RAD51B: variants seen among roughly 807,000 people sequenced by gnomAD.
The protein encoded by RAD51B is DNA repair protein RAD51 homolog 2.
In RAD51B, 38 loss-of-function variants were observed where a neutral mutation model predicts 42.2. The ratio of observed to expected loss-of-function variants is 0.90; its 90% CI spans 0.70 to 1.18. The LOEUF (loss-of-function observed/expected upper bound fraction) is 1.18. Ranked by LOEUF, RAD51B falls within the 50% of genes most tolerant of loss-of-function variation. The pLI, the probability that RAD51B is intolerant of heterozygous loss-of-function variation, is 0.00. For synonymous variants in RAD51B, 154 were observed against 145.2 expected (o/e 1.06, Z -0.43); for missense variants, 373 against 400.7 (o/e 0.93, Z 0.59).
intron 8 of RAD51B, among the ~76,000 whole-genome samples, chr14:68,350,984 C>T (rs2082774276): frequency 6.6e-6 from 1 of 152,192 alleles, no homozygotes; most frequent in East Asian, 1.9e-4. Flanking sequence ...ATCCTTTCTT[C>T]ATGGCTCTGG....
chr14:68,571,613 A>G (rs1047340920), intron 10 of RAD51B, among the ~76,000 whole-genome samples: 3 of 152,142 alleles, frequency 2.0e-5, no homozygotes, highest in African/African-American at 7.2e-5. Context: ...GGCCAGGACA[A>G]TGTGCCTGTT....
At chr14:67,820,867 C>T (rs991385508) in intron 1 of RAD51B, among the ~76,000 whole-genome samples, 1 of 152,036 alleles carries the variant, frequency 6.6e-6, no homozygotes, top group African/African-American at 2.4e-5. Context: ...GACTGTAAAA[C>T]AAGGGTTTTA....
intron 7 of RAD51B, among the ~76,000 whole-genome samples, chr14:68,022,159 C>A (rs1278726797): frequency 1.3e-5 from 2 of 152,146 alleles, no homozygotes; most frequent in African/African-American, 4.8e-5. Context: ...GTTTAGCTCC[C>A]ATTTATAAGT....
intron 7 of RAD51B, among the ~76,000 whole-genome samples, chr14:68,244,456 C>A (rs981320485): frequency 6.6e-6 from 1 of 152,158 alleles, no homozygotes; most frequent in East Asian, 1.9e-4. Flanking sequence ...GAGCAAACAC[C>A]CAGACAGAAG....
At chr14:68,084,021 G>T (rs751865990) in intron 7 of RAD51B, among the ~76,000 whole-genome samples, 1 of 152,176 alleles carries the variant, frequency 6.6e-6, no homozygotes, top group Non-Finnish European at 1.5e-5. Flanking sequence ...GAGTGTGTAC[G>T]TGTGTGCATG....
chr14:68,017,214 G>A (rs772291533), intron 7 of RAD51B, among the ~76,000 whole-genome samples: 3 of 150,808 alleles, frequency 2.0e-5, no homozygotes, highest in Non-Finnish European at 4.4e-5. Context: ...TATTTTTTTT[G>A]AGATGGAATC....
intron 4 of RAD51B, among the ~76,000 whole-genome samples, chr14:67,846,295 G>A (rs1453724513): frequency 6.6e-6 from 1 of 152,192 alleles, no homozygotes; most frequent in Admixed American, 6.5e-5. Context: ...TCGTGCTGGT[G>A]GCAGTGTGGG....
intron 8 of RAD51B, among the ~76,000 whole-genome samples, chr14:68,317,671 G>T (rs1437508373): frequency 6.6e-6 from 1 of 152,108 alleles, no homozygotes; most frequent in Non-Finnish European, 1.5e-5. Flanking sequence ...TTAGATATCT[G>T]TGAAAAGGTG....
intron 7 of RAD51B, among the ~76,000 whole-genome samples, chr14:68,263,712 T>A (rs1023136604): frequency 1.3e-5 from 2 of 152,164 alleles, no homozygotes; most frequent in Admixed American, 1.3e-4. Context: ...AAATCAGCAG[T>A]CTCTGGGAAG....
At chr14:67,945,010 T>A (rs1387848316) in intron 7 of RAD51B, among the ~76,000 whole-genome samples, 7 of 152,186 alleles carry the variant, frequency 4.6e-5, no homozygotes, top group Non-Finnish European at 1.0e-4. Flanking sequence ...AATATATTAC[T>A]GTATTAAAAT....
At chr14:68,035,888 C>T (rs777379410) in intron 7 of RAD51B, among the ~76,000 whole-genome samples, 5 of 151,998 alleles carry the variant, frequency 3.3e-5, no homozygotes, top group African/African-American at 4.8e-5. Context: ...CTTATCTGTT[C>T]GGAAGTCATA....
chr14:67,887,896 G>T (rs1312332817), intron 7 of RAD51B, among the ~76,000 whole-genome samples: 1 of 152,170 alleles, frequency 6.6e-6, no homozygotes, highest in Non-Finnish European at 1.5e-5. Context: ...CATCTGCAGT[G>T]TGTCAGGGAG....
chr14:68,473,542 C>CT (rs142254997), intron 10 of RAD51B, among the ~76,000 whole-genome samples: 23,774 of 151,450 alleles, frequency 0.16, 2,460 homozygotes, highest in Non-Finnish European at 0.23. Flanking sequence ...GCTTTGTTTA[C>CT]TTTTTTTTTC....
downstream of RAD51B, among the ~76,000 whole-genome samples, chr14:68,613,280 T>C (rs1253116252): frequency 1.3e-5 from 2 of 151,984 alleles, no homozygotes; most frequent in African/African-American, 4.8e-5. Flanking sequence ...TAGCCAGGCA[T>C]GGTGACTCAC....
intron 7 of RAD51B, among the ~76,000 whole-genome samples, chr14:68,215,378 T>C (rs532657054): frequency 1.3e-5 from 2 of 152,282 alleles, no homozygotes; most frequent in African/African-American, 2.4e-5. Context: ...AAGACAGATA[T>C]TATTGTACCC....
intron 7 of RAD51B, among the ~76,000 whole-genome samples, chr14:67,909,690 T>C (rs1455009026): frequency 6.6e-6 from 1 of 152,202 alleles, no homozygotes; most frequent in Non-Finnish European, 1.5e-5. Flanking sequence ...TTGTTTTGTT[T>C]TGGATTTTTT....
chr14:68,397,070 G>A (rs578233512), intron 8 of RAD51B, among the ~76,000 whole-genome samples: 13 of 152,332 alleles, frequency 8.5e-5, no homozygotes, highest in Middle Eastern at 6.8e-3. Context: ...CAGAGATAAT[G>A]TATGTAAGGT....
At chr14:68,410,811 C>T (rs1419553046) in intron 8 of RAD51B, among the ~76,000 whole-genome samples, 1 of 152,164 alleles carries the variant, frequency 6.6e-6, no homozygotes, top group African/African-American at 2.4e-5. Context: ...ATAGAGTTTA[C>T]TTCAGACCCT....
At chr14:67,967,543 G>T (rs1286608095) in intron 7 of RAD51B, among the ~76,000 whole-genome samples, 1 of 152,210 alleles carries the variant, frequency 6.6e-6, no homozygotes, top group African/African-American at 2.4e-5. Flanking sequence ...TCAGATGGGA[G>T]AAATTGGCTA....
Sources: allele counts gnomAD v4.1 joint callset (sites outside exome capture counted in the v4.1 genomes callset), GRCh38; gene constraint gnomAD v4.1.1; transcripts MANE v1.5; gene names NCBI Gene and HGNC (gene_info 2026-07-23, HGNC 2026-07-21).